ALK: variants seen among roughly 807,000 people sequenced by gnomAD.
ALK encodes ALK receptor tyrosine kinase, also known as ALK tyrosine kinase receptor.
In ALK, 74 loss-of-function variants were observed where a neutral mutation model predicts 163.1. The ratio of observed to expected loss-of-function variants is 0.45; its 90% CI spans 0.38 to 0.55. ALK has a LOEUF of 0.55. ALK is among the 20% of genes least tolerant of loss of function. ALK has a pLI of 0.00. For synonymous variants in ALK, 960 were observed against 843.2 expected (o/e 1.14, Z -2.40); for missense variants, 2,063 against 2,105.3 (o/e 0.98, Z 0.39).
intron 4 of ALK, among the ~76,000 whole-genome samples, chr2:29,422,624 T>A (rs900603019): frequency 1.3e-5 from 2 of 151,832 alleles, no homozygotes; most frequent in African/African-American, 2.4e-5. Flanking sequence ...TTTGTTTAGT[T>A]TTTTTTCTTT....
intron 9 of ALK, among the ~76,000 whole-genome samples, chr2:29,295,223 C>T (rs573363495): frequency 6.1e-4 from 93 of 152,226 alleles, no homozygotes; most frequent in African/African-American, 2.1e-3. Context: ...AGGCTGAGAA[C>T]GAAGTCTCCT....
intron 4 of ALK, among the ~76,000 whole-genome samples, chr2:29,530,932 C>T (rs780169105): frequency 1.8e-4 from 27 of 152,204 alleles, no homozygotes; most frequent in Admixed American, 5.9e-4. Flanking sequence ...CTTCTAAGTG[C>T]AACTAAATAC....
Position 29,920,311 on chromosome 2 carries a change from G to C in ALK, c.349C>G (p.Pro117Ala). The change falls in exon 1 of 29, where the codon CCG becomes GCG. Residue 117 changes from proline (P) to alanine (A), a missense_variant. By Grantham distance (27) the Pro-to-Ala change is conservative. Coordinates refer to ENST00000389048, the MANE Select transcript of ALK (RefSeq NM_004304.5). ...CTGGACAGCGTCCGGGCCTCTGCCGGGGCTGGTGAACCGGCGGTCCAGGAG... is the reference window on the plus strand; with the variant it reads ...CTGGACAGCGTCCGGGCCTCTGCCGCGGCTGGTGAACCGGCGGTCCAGGAG... ...GVSWTAGSPA[P>A]AEARTLSRVL... 3 of 1,558,974 alleles carry C rather than the reference G, an allele frequency of 1.9e-6. No homozygotes were observed. The highest frequency in any genetic ancestry group is 2.6e-6 in the Non-Finnish European group (3 of 1,152,952).
At chr2:29,634,606 T>C (rs1253510982) in intron 3 of ALK, among the ~76,000 whole-genome samples, 7 of 152,094 alleles carry the variant, frequency 4.6e-5, no homozygotes, top group South Asian at 2.1e-4. Flanking sequence ...GAAAAGTAGA[T>C]AGGGAGAGAG....
At chr2:29,816,712 G>A (rs548160739) in intron 1 of ALK, among the ~76,000 whole-genome samples, 5 of 152,282 alleles carry the variant, frequency 3.3e-5, no homozygotes, top group African/African-American at 1.2e-4. Context: ...CTGGCTCTGC[G>A]ACCTTGAGCA....
At chr2:29,334,747 C>T (rs1267060098) in intron 5 of ALK, among the ~76,000 whole-genome samples, 1 of 152,168 alleles carries the variant, frequency 6.6e-6, no homozygotes, top group Non-Finnish European at 1.5e-5. Flanking sequence ...TTCCAGGCTC[C>T]CTGGCACGGC....
intron 1 of ALK, among the ~76,000 whole-genome samples, chr2:29,915,839 C>A (rs925497216): frequency 6.6e-6 from 1 of 152,092 alleles, no homozygotes; most frequent in African/African-American, 2.4e-5. Flanking sequence ...CCTCCCAAAC[C>A]CCTGGATATA....
intron 1 of ALK, among the ~76,000 whole-genome samples, chr2:29,792,222 G>A (rs1664206736): frequency 6.6e-6 from 1 of 152,134 alleles, no homozygotes. Context: ...AAAATGTGTG[G>A]TGCTAACACA....
chr2:29,493,089 G>T (rs1671941279), intron 4 of ALK, among the ~76,000 whole-genome samples: 1 of 152,222 alleles, frequency 6.6e-6, no homozygotes, highest in African/African-American at 2.4e-5. Flanking sequence ...TAATATGATA[G>T]ATGTGGATTA....
At chr2:29,291,726 A>C (rs1212251012) in intron 9 of ALK, among the ~76,000 whole-genome samples, 1 of 152,224 alleles carries the variant, frequency 6.6e-6, no homozygotes, top group Non-Finnish European at 1.5e-5. Context: ...ATGTGAATTA[A>C]GCAGAATTTT....
intron 1 of ALK, among the ~76,000 whole-genome samples, chr2:29,903,426 C>G (rs4233752): frequency 6.6e-6 from 1 of 151,960 alleles, no homozygotes; most frequent in African/African-American, 2.4e-5. Context: ...GCGCCTACTA[C>G]GTCCCTCATC....
At chr2:29,439,684 TAAAAAAAAA>T (rs59027264) in intron 4 of ALK, among the ~76,000 whole-genome samples, 110 of 144,608 alleles carry the variant, frequency 7.6e-4, no homozygotes, top group Middle Eastern at 6.9e-3. Context: ...GTGTTCTTGT[TAAAAAAAAA>T]AAAAAAAAAA....
chr2:29,544,464 C>T (rs1673495632), intron 3 of ALK, among the ~76,000 whole-genome samples: 1 of 152,114 alleles, frequency 6.6e-6, no homozygotes, highest in African/African-American at 2.4e-5. Context: ...GTGCACAGAA[C>T]CCTTTTGTTA....
At chr2:29,807,951 T>C (rs968898564) in intron 1 of ALK, among the ~76,000 whole-genome samples, 2 of 152,228 alleles carry the variant, frequency 1.3e-5, no homozygotes, top group Admixed American at 1.3e-4. Flanking sequence ...GTGCTGCTTC[T>C]CTGACACTTG....
intron 22 of ALK, among the ~76,000 whole-genome samples, chr2:29,221,594 A>G (rs1248017585): frequency 6.6e-6 from 1 of 152,238 alleles, no homozygotes; most frequent in African/African-American, 2.4e-5. Flanking sequence ...CAGGAATTAT[A>G]TGTATCATCA....
At chr2:29,662,208 G>A (rs537773949) in intron 3 of ALK, among the ~76,000 whole-genome samples, 4 of 152,040 alleles carry the variant, frequency 2.6e-5, no homozygotes, top group South Asian at 2.1e-4. Flanking sequence ...CACCACGCCC[G>A]GCCTATCAAT....
intron 9 of ALK, among the ~76,000 whole-genome samples, chr2:29,280,069 C>T (rs569083273): frequency 6.6e-6 from 1 of 151,990 alleles, no homozygotes; most frequent in Admixed American, 6.5e-5. Flanking sequence ...CACTCTGGGA[C>T]TGAGCAAGAG....
intron 8 of ALK, among the ~76,000 whole-genome samples, chr2:29,300,131 C>A (rs1558659810): frequency 6.6e-6 from 1 of 152,080 alleles, no homozygotes; most frequent in Non-Finnish European, 1.5e-5. Flanking sequence ...TATAGGGGAG[C>A]CCATGCAGGG....
chr2:29,676,350 G>A (rs1677872400), intron 3 of ALK, among the ~76,000 whole-genome samples: 1 of 151,956 alleles, frequency 6.6e-6, no homozygotes, highest in Non-Finnish European at 1.5e-5. Context: ...TAAATTCTGA[G>A]TTAATTTTTG....
Sources: allele counts gnomAD v4.1 joint callset (sites outside exome capture counted in the v4.1 genomes callset), GRCh38; gene constraint gnomAD v4.1.1; transcripts MANE v1.5; gene names NCBI Gene and HGNC (gene_info 2026-07-23, HGNC 2026-07-21).